Variants in SNTG1 observed in about 807,000 individuals in gnomAD.
The protein encoded by SNTG1 is gamma-1-syntrophin.
SNTG1 carries 39 observed loss-of-function variants against 74.7 expected under a neutral mutation model. The ratio of observed to expected loss-of-function variants is 0.52; its 90% CI spans 0.40 to 0.68. SNTG1 has a LOEUF of 0.68. Among genes scored for constraint, SNTG1 ranks in the 30% least tolerant of loss-of-function variants. The pLI, the probability that SNTG1 is intolerant of heterozygous loss-of-function variation, is 0.00. For synonymous variants in SNTG1, 254 were observed against 217.1 expected (o/e 1.17, Z -1.49); for missense variants, 685 against 609.5 (o/e 1.12, Z -1.30).
intron 1 of SNTG1, among the ~76,000 whole-genome samples, chr8:49,996,637 A>G (rs1398215800): frequency 1.3e-5 from 2 of 152,160 alleles, no homozygotes; most frequent in East Asian, 3.8e-4. Context: ...TGCCAGTCCA[A>G]ATGTTTATTT....
intron 12 of SNTG1, among the ~76,000 whole-genome samples, chr8:50,557,665 A>G (rs1401834501): frequency 2.6e-5 from 4 of 152,236 alleles, no homozygotes; most frequent in Middle Eastern, 3.4e-3. Context: ...CCCAGGGCCC[A>G]CTCAGGTATT....
At chr8:50,382,224 A>C (rs892829683) in intron 2 of SNTG1, 5 of 152,140 alleles carry the variant, frequency 3.3e-5, no homozygotes, top group African/African-American at 1.2e-4. Flanking sequence ...TAAAGTTGAT[A>C]CTGAGTATTA....
chr8:50,018,447 T>C (rs1434450512), intron 1 of SNTG1, among the ~76,000 whole-genome samples: 1 of 151,984 alleles, frequency 6.6e-6, no homozygotes, highest in African/African-American at 2.4e-5. Flanking sequence ...ATGCAAAGAA[T>C]GAGTTTTGAC....
intron 17 of SNTG1, among the ~76,000 whole-genome samples, chr8:50,750,154 G>A (rs530933664): frequency 2.2e-4 from 33 of 152,032 alleles, no homozygotes; most frequent in Middle Eastern, 3.4e-3. Flanking sequence ...AACCCTCTTC[G>A]GAGACTTGGA....
intron 1 of SNTG1, among the ~76,000 whole-genome samples, chr8:50,023,148 T>C (rs1220322529): frequency 1.3e-5 from 2 of 152,082 alleles, no homozygotes; most frequent in Non-Finnish European, 2.9e-5. Context: ...AGAACAGAGT[T>C]TGTTTGATAT....
intron 1 of SNTG1, among the ~76,000 whole-genome samples, chr8:50,150,208 G>A (rs937465520): frequency 1.3e-5 from 2 of 152,126 alleles, no homozygotes; most frequent in Non-Finnish European, 2.9e-5. Context: ...TGTTATTGGT[G>A]TATAAGAATG....
chr8:50,063,522 C>A (rs1055882971), intron 1 of SNTG1, among the ~76,000 whole-genome samples: 19 of 152,164 alleles, frequency 1.2e-4, no homozygotes, highest in African/African-American at 4.6e-4. Flanking sequence ...TTGTCACTGA[C>A]CACTGAAATC....
rs80048616 is a variant in SNTG1 at position 50,732,717 on chromosome 8, T to C, written c.1285-19284T>C. Among the ~76,000 whole-genome samples the C allele has an allele frequency of 2.6e-3, 388 of 152,030 alleles. 3 individuals carry two copies. Among genetic ancestry groups the C allele is most frequent in the African/African-American group, 9.0e-3 (374 of 41,516 alleles). Reference sequence around the variant, plus strand: ...TTACAACGTCATCAACAATGTTATGTAAATATTTTTTCCACATAACCTTAC... The same window carrying C: ...TTACAACGTCATCAACAATGTTATGCAAATATTTTTTCCACATAACCTTAC... On this transcript the variant is annotated intron_variant, in intron 17 of 18. Transcript: ENST00000642720.
intron 13 of SNTG1, among the ~76,000 whole-genome samples, chr8:50,597,380 C>CACATATATACATATAT (rs58713973): frequency 0.017 from 2,169 of 131,406 alleles, 24 homozygotes; most frequent in East Asian, 0.029. Flanking sequence ...TGTATATATA[C>CACATATATACATATAT]ACATATATAC....
At chr8:50,212,928 C>G (rs1400727294) in intron 2 of SNTG1, among the ~76,000 whole-genome samples, 2 of 152,152 alleles carry the variant, frequency 1.3e-5, no homozygotes, top group Non-Finnish European at 1.5e-5. Context: ...GAAGCAACCC[C>G]AGAGCAATTG....
intron 2 of SNTG1, chr8:50,286,459 A>C (rs2088789462): frequency 6.6e-6 from 1 of 152,160 alleles, no homozygotes; most frequent in African/African-American, 2.4e-5. Context: ...TCTCCCCACC[A>C]GTCACTTCGT....
Position 50,658,800 on chromosome 8 carries a change from A to G in SNTG1, c.1038+137A>G, listed in dbSNP as rs2095200053. The G allele has an allele frequency of 5.9e-5, 35 of 595,476 alleles. No individual in the cohort carries two copies. In the South Asian group the frequency reaches 7.0e-4, roughly 12 times the overall value. The allele number at this position is 595,476 out of a possible 1,614,324, so 36.9% of individuals were successfully genotyped here. A position where few individuals can be genotyped will look rare whatever the true frequency, so the allele number is the denominator to read the frequency against. On this transcript the variant is annotated intron_variant, in intron 15 of 18. Coordinates refer to ENST00000642720, the MANE Select transcript of SNTG1 (RefSeq NM_018967.5). ...CGATAAAGACAAATGAAAGAGAAAG[A>G]AAATAAACTGGACAAAAAAGAGAAA...
chr8:50,338,247 C>T (rs2091213602), intron 2 of SNTG1, among the ~76,000 whole-genome samples: 1 of 152,160 alleles, frequency 6.6e-6, no homozygotes, highest in African/African-American at 2.4e-5. Flanking sequence ...GAAATGGAAA[C>T]TTCCGGCATC....
chr8:50,658,724 C>T, intron 15 of SNTG1, 61 bp downstream of exon 15: 2 of 1,087,524 alleles, frequency 1.8e-6, no homozygotes, highest in Non-Finnish European at 2.7e-6. Flanking sequence ...TGCCTCTGGG[C>T]TCATAAGCAG....
chr8:50,660,832 T>C (rs1414891188), intron 15 of SNTG1, among the ~76,000 whole-genome samples: 2 of 152,182 alleles, frequency 1.3e-5, no homozygotes, highest in Non-Finnish European at 2.9e-5. Context: ...ATGTTCTATC[T>C]CTTTGTTACA....
intron 11 of SNTG1, among the ~76,000 whole-genome samples, chr8:50,539,067 T>A (rs376298515): frequency 3.9e-5 from 6 of 152,186 alleles, no homozygotes; most frequent in African/African-American, 1.4e-4. Flanking sequence ...TTTTTATTTG[T>A]TTCAAGAAAA....
intron 8 of SNTG1, among the ~76,000 whole-genome samples, chr8:50,474,322 C>T (rs1205361553): frequency 6.6e-6 from 1 of 151,686 alleles, no homozygotes; most frequent in Middle Eastern, 3.4e-3. Flanking sequence ...TCTCAACCTA[C>T]TCATCTGACA....
chr8:50,376,756 T>TATAGAGAGAG (rs1381048539), intron 2 of SNTG1, among the ~76,000 whole-genome samples: 21 of 89,958 alleles, frequency 2.3e-4, no homozygotes, highest in Non-Finnish European at 4.0e-4. Context: ...TATATATATA[T>TATAGAGAGAG]AGAGAGAGAG....
At chr8:50,672,407 G>A (rs1040587088) in intron 15 of SNTG1, among the ~76,000 whole-genome samples, 2 of 151,852 alleles carry the variant, frequency 1.3e-5, no homozygotes, top group African/African-American at 4.8e-5. Context: ...TCTCATTGTG[G>A]TTAGATTTGC....
Sources: allele counts gnomAD v4.1 joint callset (sites outside exome capture counted in the v4.1 genomes callset), GRCh38; gene constraint gnomAD v4.1.1; transcripts MANE v1.5; gene names NCBI Gene and HGNC (gene_info 2026-07-23, HGNC 2026-07-21).